SPON2: variants seen among roughly 807,000 people sequenced by gnomAD.
The protein encoded by SPON2 is spondin 2.
In SPON2, 32 loss-of-function variants were observed where a neutral mutation model predicts 29.9. The ratio of observed to expected loss-of-function variants is 1.07; its 90% CI spans 0.81 to 1.44. The LOEUF (loss-of-function observed/expected upper bound fraction) is 1.44. Ranked by LOEUF, SPON2 falls within the 40% of genes most tolerant of loss-of-function variation. The pLI, the probability that SPON2 is intolerant of heterozygous loss-of-function variation, is 0.00. For synonymous variants in SPON2, 248 were observed against 209.1 expected (o/e 1.19, Z -1.61); for missense variants, 541 against 455.5 (o/e 1.19, Z -1.71).
At chr4:1,207,797 G>T in intron 1 of SPON2, 1 of 154,378 alleles carries the variant, frequency 6.5e-6, no homozygotes. Context: ...GAAGCCCTTG[G>T]CCCGTTTGAA....
At chr4:1,200,257 T>C (rs1333272292) in intron 1 of SPON2, among the ~76,000 whole-genome samples, 1 of 152,114 alleles carries the variant, frequency 6.6e-6, no homozygotes, top group Non-Finnish European at 1.5e-5. Flanking sequence ...GGGTCACCCC[T>C]CACTCAACAC....
At chr4:1,188,981 G>T (rs114502788) in intron 1 of SPON2, among the ~76,000 whole-genome samples, 1 of 152,150 alleles carries the variant, frequency 6.6e-6, no homozygotes, top group Non-Finnish European at 1.5e-5. Context: ...ATCATGCAAA[G>T]TATGTTCTCT....
rs530883963 is a variant in SPON2 at position 1,205,356 on chromosome 4, C to T, written c.-234+2524G>A. On this transcript the variant is annotated intron_variant, in intron 1 of 3. Transcript: ENST00000509233. ...GGGCATGGGGGGAGGCACCTTTGAG[C>T]TGGGGCCTCCTCGGAGCAGCTGCAC... Among the ~76,000 whole-genome samples, 10 of 152,306 alleles carry T rather than the reference C, an allele frequency of 6.6e-5. 1 individual carries two copies. The South Asian group carries it at 2.1e-3, about 32-fold the overall frequency.
At position 1,172,166 on chromosome 4, in the gene SPON2, A is replaced by G. The variant is rs866369569; in HGVS notation, c.-3-92T>C. The stretch of plus-strand genomic sequence containing the variant: ...GAGGGCTGCGGCACTTTGGGCTCTG[A>G]GGACGGCCCCGAGCACCCGCGACCC... On this transcript the variant is annotated intron_variant, in intron 1 of 5. Coordinates refer to ENST00000290902, the MANE Select transcript of SPON2 (RefSeq NM_012445.4). The G allele has an allele frequency of 4.3e-5, 50 of 1,152,130 alleles. No homozygotes were observed. In the African/African-American group the frequency reaches 6.4e-4, roughly 15 times the overall value. 71.4% of individuals were successfully genotyped at this position (1,152,130 alleles called of 1,614,324 possible).
At chr4:1,176,929 T>C (rs1404879407), upstream of SPON2, among the ~76,000 whole-genome samples, 1 of 152,262 alleles carries the variant, frequency 6.6e-6, no homozygotes, top group Non-Finnish European at 1.5e-5. Context: ...TGAGTATTCC[T>C]TGCATCTCAG....
chr4:1,181,750 T>C (rs1310649259), intron 1 of SPON2, among the ~76,000 whole-genome samples: 1 of 152,198 alleles, frequency 6.6e-6, no homozygotes, highest in Non-Finnish European at 1.5e-5. Flanking sequence ...GGAGCGAGGC[T>C]GGCAAGAAAA....
chr4:1,169,589 G>A (rs555184093), intron 5 of SPON2, among the ~76,000 whole-genome samples: 1 of 152,150 alleles, frequency 6.6e-6, no homozygotes, highest in African/African-American at 2.4e-5. Context: ...CACATGGCTT[G>A]GGGGGCAGGT....
Position 1,171,876 on chromosome 4 carries a change from G to T in SPON2, c.196C>A (p.Pro66Thr), listed in dbSNP as rs748354801. ...CCCAGCAGCGAAGACCACTGCGCAGGGGGGCGGAACAGGGGGTACTGCTTG... is the reference window on the plus strand; with the variant it reads ...CCCAGCAGCGAAGACCACTGCGCAGTGGGGCGGAACAGGGGGTACTGCTTG... ...FPKQYPLFRP[P>T]AQWSSLLGAA... Residue 66 changes from proline to threonine, a missense_variant, in exon 2 of 6, where the codon CCT (proline) becomes ACT (threonine). Pro to Thr is a conservative substitution (Grantham distance 38). Coordinates refer to ENST00000290902, the MANE Select transcript of SPON2 (RefSeq NM_012445.4). 12 of 1,612,856 alleles carry T rather than the reference G, an allele frequency of 7.4e-6. No homozygotes were observed. The highest frequency in any genetic ancestry group is 2.2e-5 in the East Asian group (1 of 44,864).
intron 1 of SPON2, among the ~76,000 whole-genome samples, chr4:1,201,868 C>A (rs953292425): frequency 3.9e-5 from 6 of 152,228 alleles, no homozygotes; most frequent in Non-Finnish European, 8.8e-5. Flanking sequence ...CAGGCGTGAG[C>A]CACCTCGCCC....
At chr4:1,169,583 TGGCTTG>T in intron 5 of SPON2, among the ~76,000 whole-genome samples, 1 of 152,072 alleles carries the variant, frequency 6.6e-6, no homozygotes, top group Non-Finnish European at 1.5e-5. Context: ...CCCTACCACA[TGGCTTG>T]GGGGGCAGGT....
At chr4:1,198,396 A>G (rs2108677446), upstream of SPON2, among the ~76,000 whole-genome samples, 1 of 152,332 alleles carries the variant, frequency 6.6e-6, no homozygotes, top group Admixed American at 6.5e-5. Context: ...TCCCAGGGTT[A>G]CTTTAACCTT....
At chr4:1,207,198 C>T (rs552282440) in intron 1 of SPON2, among the ~76,000 whole-genome samples, 8 of 152,206 alleles carry the variant, frequency 5.3e-5, no homozygotes, top group African/African-American at 7.2e-5. Flanking sequence ...AGCCGGGCCC[C>T]GCCAGGTGTG....
At position 1,167,249 on chromosome 4, in the gene SPON2, G is replaced by A. The variant is rs1363923091; in HGVS notation, c.*223C>T. 4 of 513,422 alleles carry A rather than the reference G, an allele frequency of 7.8e-6. No individual in the cohort carries two copies. Among genetic ancestry groups the A allele is most frequent in the Admixed American group, 3.5e-5 (1 of 28,654 alleles). The allele number at this position is 513,422 out of a possible 1,614,324, so 31.8% of individuals were successfully genotyped here. ...AGGAGGCTGAGAGCAGACGGGACAC[G>A]GGGGCCCCTAAGAAGCAAGGTTGGG... On this transcript the variant is annotated 3_prime_UTR_variant, in exon 6 of 6. Transcript: ENST00000290902.
At chr4:1,175,113 C>T (rs1379243137), upstream of SPON2, among the ~76,000 whole-genome samples, 2 of 152,258 alleles carry the variant, frequency 1.3e-5, no homozygotes, top group African/African-American at 4.8e-5. Context: ...GGCGGCTGTA[C>T]TGCAGCTACT....
intron 3 of SPON2, 22 bp downstream of exon 3, chr4:1,171,241 C>A: frequency 7.0e-7 from 1 of 1,429,532 alleles, no homozygotes; most frequent in Non-Finnish European, 9.1e-7. Flanking sequence ...CGGACCCCGC[C>A]CCCGGCCGGC....
At chr4:1,197,599 T>A (rs916014720), upstream of SPON2, among the ~76,000 whole-genome samples, 1 of 150,068 alleles carries the variant, frequency 6.7e-6, no homozygotes, top group Non-Finnish European at 1.5e-5. Context: ...GAAACTAGAA[T>A]GAGAACAATA....
upstream of SPON2, among the ~76,000 whole-genome samples, chr4:1,174,453 G>T (rs1354224865): frequency 7.4e-6 from 1 of 135,680 alleles, no homozygotes; most frequent in Non-Finnish European, 1.5e-5. Flanking sequence ...CGCCACTGCA[G>T]TCCAGCCTGG....
rs1433318578 is a variant in SPON2, at chr4:1,171,220, C to A, written c.445-30G>T. 4.2e-6 allele frequency: 6 copies of A among 1,443,210 alleles called. No homozygotes were observed. The African/African-American group carries it at 4.5e-5, about 11-fold the overall frequency. 89.4% of individuals were successfully genotyped at this position (1,443,210 alleles called of 1,614,324 possible). ...GGCGACAGCGGCTCAGCGCGCCTGGCCCCGGCCCCCCGGACCCCGCCCCCG... is the reference window on the plus strand; with the variant it reads ...GGCGACAGCGGCTCAGCGCGCCTGGACCCGGCCCCCCGGACCCCGCCCCCG... On this transcript the variant is annotated intron_variant, in intron 3 of 5. Coordinates refer to ENST00000290902, the MANE Select transcript of SPON2 (RefSeq NM_012445.4).
At chr4:1,171,785 T>A in intron 2 of SPON2, 67 bp downstream of exon 2, 2 of 1,075,764 alleles carry the variant, frequency 1.9e-6, no homozygotes, top group Non-Finnish European at 2.9e-6. Flanking sequence ...GCCGTGCAGC[T>A]GTGCGGGGGG....
Sources: gnomAD v4.1 joint callset for allele counts (sites outside exome capture counted in the v4.1 genomes callset) on GRCh38, gnomAD v4.1.1 for gene constraint, MANE v1.5 for transcripts, NCBI Gene and HGNC (gene_info 2026-07-23, HGNC 2026-07-21) for gene names.